ITGA9: variants seen among roughly 807,000 people sequenced by gnomAD.
ITGA9 encodes the protein integrin alpha-9.
In ITGA9, 56 loss-of-function variants were observed where a neutral mutation model predicts 127.8. The observed-to-expected ratio is 0.44, with a 90% CI of 0.35 to 0.55. The LOEUF (loss-of-function observed/expected upper bound fraction) is 0.55, where lower values mean the gene tolerates loss of function less well. ITGA9 is among the 20% of genes least tolerant of loss of function. The pLI, the probability that ITGA9 is intolerant of heterozygous loss-of-function variation, is 0.00. For missense variants in ITGA9, 1,196 were observed against 1,347.1 expected, an observed-to-expected ratio of 0.89 and a Z score of 1.76; for synonymous variants, 508 against 514.5, an observed-to-expected ratio of 0.99 and a Z score of 0.17.
At chr3:37,475,093 G>C (rs1276201130) in intron 3 of ITGA9, among the ~76,000 whole-genome samples, 5 of 152,216 alleles carry the variant, frequency 3.3e-5, no homozygotes, top group African/African-American at 4.8e-5. Flanking sequence ...TTTCATCACT[G>C]TCATGGCTGG....
chr3:37,646,912 T>C (rs887569125), intron 16 of ITGA9, among the ~76,000 whole-genome samples: 4 of 152,050 alleles, frequency 2.6e-5, no homozygotes, highest in African/African-American at 9.7e-5. Flanking sequence ...AAGTCATTTC[T>C]ACTTGGTTTT....
intron 15 of ITGA9, among the ~76,000 whole-genome samples, chr3:37,574,496 A>G (rs1370424396): frequency 6.6e-6 from 1 of 152,186 alleles, no homozygotes; most frequent in Non-Finnish European, 1.5e-5. Context: ...CAGGTCTTGC[A>G]GCCAAGGATT....
At chr3:37,472,711 T>C (rs1335746302) in intron 2 of ITGA9, among the ~76,000 whole-genome samples, 1 of 152,156 alleles carries the variant, frequency 6.6e-6, no homozygotes, top group Non-Finnish European at 1.5e-5. Context: ...CTTCTAATTA[T>C]TTTTTAAATA....
At chr3:37,460,714 C>T (rs747824501) in intron 1 of ITGA9, among the ~76,000 whole-genome samples, 5 of 151,862 alleles carry the variant, frequency 3.3e-5, no homozygotes, top group Admixed American at 6.6e-5. Flanking sequence ...CTCAGCCTCC[C>T]GAGTAGCTGG....
At chr3:37,463,300 T>A (rs1346905078) in intron 1 of ITGA9, among the ~76,000 whole-genome samples, 1 of 152,192 alleles carries the variant, frequency 6.6e-6, no homozygotes, top group Non-Finnish European at 1.5e-5. Flanking sequence ...GTGGCTTAAA[T>A]CAACCACCAC....
chr3:37,572,565 T>C lies in ITGA9; in HGVS notation c.1689+29980T>C, dbSNP rs115796730. Reference sequence around the variant, plus strand: ...GCTGTAAGGACCAAATAAGATAATATAGCTCATGCAGTTAGAATTGGACCT... The same window carrying C: ...GCTGTAAGGACCAAATAAGATAATACAGCTCATGCAGTTAGAATTGGACCT... On this transcript the variant is annotated intron_variant, in intron 15 of 27. Coordinates refer to ENST00000264741, the MANE Select transcript of ITGA9 (RefSeq NM_002207.3). Among the ~76,000 whole-genome samples the C allele has an allele frequency of 1.3e-5, 2 of 152,302 alleles. 1 individual carries two copies. The highest frequency in any genetic ancestry group is 4.1e-4 in the South Asian group (2 of 4,820).
intron 23 of ITGA9, 23 bp downstream of exon 23, chr3:37,750,592 C>T (rs769662457): frequency 4.0e-6 from 6 of 1,499,826 alleles, no homozygotes; most frequent in Non-Finnish European, 5.6e-6. Flanking sequence ...TTTGTTTTCA[C>T]TATTGCTTTC....
chr3:37,576,162 C>T (rs552257779), intron 15 of ITGA9, among the ~76,000 whole-genome samples: 116 of 152,274 alleles, frequency 7.6e-4, no homozygotes, highest in African/African-American at 2.5e-3. Context: ...TCCTCAAGGG[C>T]GTCATCCTCC....
chr3:37,627,058 C>T (rs1192193874), intron 15 of ITGA9, among the ~76,000 whole-genome samples: 2 of 152,080 alleles, frequency 1.3e-5, no homozygotes, highest in East Asian at 3.8e-4. Flanking sequence ...TGCTTTGCTC[C>T]CAGAGGGACA....
chr3:37,661,975 G>C lies in ITGA9; in HGVS notation c.1916+8185G>C, dbSNP rs534226577. On this transcript the variant is annotated intron_variant, in intron 17 of 27. Transcript: ENST00000264741. ...TGTCTGGAATGAAGGAGGCAGTCAG[G>C]AGAACACAGTGAGAGACAGGGAAGG... is the stretch of plus-strand genomic sequence containing the variant. 2.0e-5 allele frequency among the ~76,000 whole-genome samples: 3 copies of C among 152,352 alleles called. No homozygotes were observed. In the South Asian group the frequency reaches 6.2e-4, roughly 32 times the overall value.
At chr3:37,453,063 G>C (rs1265208602) in intron 1 of ITGA9, among the ~76,000 whole-genome samples, 4 of 152,032 alleles carry the variant, frequency 2.6e-5, no homozygotes, top group Admixed American at 2.6e-4. Context: ...GGGCTCCCCA[G>C]GGGCAGGGTG....
intron 18 of ITGA9, among the ~76,000 whole-genome samples, chr3:37,721,114 CTTTTTTTTTTTTT>C (rs35254377): frequency 1.1e-4 from 10 of 93,256 alleles, no homozygotes; most frequent in South Asian, 3.8e-4. Flanking sequence ...CTTTTCTTGC[CTTTTTTTTTTTTT>C]TTTTTTTTTT....
chr3:37,604,254 A>G (rs1248497564), intron 15 of ITGA9, among the ~76,000 whole-genome samples: 1 of 152,244 alleles, frequency 6.6e-6, no homozygotes, highest in Non-Finnish European at 1.5e-5. Flanking sequence ...AAGTGTAGAC[A>G]TGAGGCTTAG....
At chr3:37,734,044 T>G (rs1034054503) in intron 19 of ITGA9, among the ~76,000 whole-genome samples, 1 of 152,200 alleles carries the variant, frequency 6.6e-6, no homozygotes, top group Non-Finnish European at 1.5e-5. Flanking sequence ...GGGTAGGGGT[T>G]ATAGGACCAG....
chr3:37,591,201 T>C (rs1433311667), intron 15 of ITGA9, among the ~76,000 whole-genome samples: 1 of 152,210 alleles, frequency 6.6e-6, no homozygotes, highest in East Asian at 1.9e-4. Flanking sequence ...CCTCATTTTT[T>C]CCCCACCTCC....
chr3:37,628,008 T>G (rs1700192801), intron 15 of ITGA9, among the ~76,000 whole-genome samples: 1 of 152,118 alleles, frequency 6.6e-6, no homozygotes. Context: ...CCTGGGGCCT[T>G]TAGAACCTCT....
chr3:37,777,464 A>C lies in ITGA9; in HGVS notation c.2614A>C (p.Asn872His), dbSNP rs962348254. Residue 872 changes from asparagine (N) to histidine (H), a missense_variant, in exon 24 of 28, where the codon AAT becomes CAT. By Grantham distance (68) the Asn-to-His change is moderately conservative. Transcript: ENST00000264741. ...TPCIIPQEQE[N>H]IFHTIFAFFT... is the part of the protein sequence containing the mutation. ...CTGCATCATCCCTCAAGAACAAGAA[A>C]ATATCTTCCACACAATATTTGCTTT... The C allele has an allele frequency of 3.1e-6, 5 of 1,614,050 alleles. No homozygotes were observed. The African/African-American group carries it at 5.3e-5, about 17-fold the overall frequency.
intron 18 of ITGA9, among the ~76,000 whole-genome samples, chr3:37,697,310 A>G (rs535845869): frequency 2.1e-3 from 6 of 2,872 alleles, no homozygotes; most frequent in Admixed American, 7.9e-3. Context: ...TACTTCTGTT[A>G]TTATTATTAT....
intron 19 of ITGA9, 33 bp downstream of exon 19, chr3:37,732,831 G>A (rs1468424417): frequency 1.3e-6 from 2 of 1,518,638 alleles, no homozygotes; most frequent in Admixed American, 1.8e-5. Flanking sequence ...TTCCTCAGCA[G>A]CAGGCCCCCA....
Sources: allele counts gnomAD v4.1 joint callset (sites outside exome capture counted in the v4.1 genomes callset), GRCh38; gene constraint gnomAD v4.1.1; transcripts MANE v1.5; gene names NCBI Gene and HGNC (gene_info 2026-07-23, HGNC 2026-07-21).